OR2M3: variants seen among roughly 807,000 people sequenced by gnomAD.
OR2M3 encodes the protein olfactory receptor family 2 subfamily M member 3, also known as olfactory receptor 2M3.
In OR2M3, 1 loss-of-function variant was observed where a neutral mutation model predicts 4.3. The ratio of observed to expected loss-of-function variants is 0.23; its 90% CI spans 0.08 to 1.11. OR2M3 has a LOEUF of 1.11. Among genes scored for constraint, OR2M3 ranks in the 50% most tolerant of loss-of-function variants. OR2M3 has a pLI of 0.54. For missense variants in OR2M3, 410 were observed against 390.4 expected (o/e 1.05, Z -0.42); for synonymous variants, 151 against 139.4 (o/e 1.08, Z -0.59).
Position 248,203,848 on chromosome 1 carries a change from C to A in OR2M3, c.781C>A (p.Arg261=). ...TGGAGCAGCTTTGTTCATGTACATA[C>A]GGCCCACATCTGATCGCTCCCCAAC... is the stretch of plus-strand genomic sequence containing the variant. ...YYGAALFMYI[R]PTSDRSPTQD... is the part of the protein sequence containing the mutation. Residue 261 remains arginine, a synonymous_variant, in exon 2 of 2, where the codon CGG becomes AGG. Transcript: ENST00000641626. 1 of 1,613,622 alleles carries A rather than the reference C, an allele frequency of 6.2e-7. No homozygotes were observed. The highest frequency in any genetic ancestry group is 8.5e-7 in the Non-Finnish European group (1 of 1,179,792).
rs932978784 is a variant in OR2M3, at chr1:248,206,266, C to G, written c.*2260C>G. 1 of 152,046 alleles carries G rather than the reference C, an allele frequency of 6.6e-6. No homozygotes were observed. The highest frequency in any genetic ancestry group is 2.4e-5 in the African/African-American group (1 of 41,418). 9.4% of individuals were successfully genotyped at this position (152,046 alleles called of 1,614,324 possible). A position where few individuals can be genotyped will look rare whatever the true frequency, so the allele number is the denominator to read the frequency against. On this transcript the variant is annotated 3_prime_UTR_variant, in exon 2 of 2. Transcript: ENST00000641626. ...GCAAACAGCGACAGTTTTCCTTTCT[C>G]TTTACCATTTTGGATGTCCTTTATT...
Position 248,212,202 on chromosome 1 carries a change from A to G in OR2M3, c.*8196A>G, listed in dbSNP as rs1188923878. On this transcript the variant is annotated 3_prime_UTR_variant, in exon 2 of 2. Coordinates refer to ENST00000641626, the MANE Select transcript of OR2M3 (RefSeq NM_001004689.2). ...ATAGTGAAACTGTACATGAAACAAGAAGTATACTAATAGCCATCAAATATT... is the reference window on the plus strand; with the variant it reads ...ATAGTGAAACTGTACATGAAACAAGGAGTATACTAATAGCCATCAAATATT... The G allele has an allele frequency of 6.6e-6, 1 of 152,138 alleles. No homozygotes were observed. The highest frequency in any genetic ancestry group is 1.5e-5 in the Non-Finnish European group (1 of 68,000). The allele number at this position is 152,138 out of a possible 1,614,324, so 9.4% of individuals were successfully genotyped here.
In OR2M3 at chr1:248,204,609, G is replaced by GTATATA. The variant is rs1191894382; in HGVS notation, c.*604_*609dup. ...CTGAGTAGTATTCCATGGTATGTGT[G>GTATATA]TATATAGATATATATATATATACGT... On this transcript the variant is annotated 3_prime_UTR_variant, in exon 2 of 2. Coordinates refer to ENST00000641626, the MANE Select transcript of OR2M3 (RefSeq NM_001004689.2). 55 of 150,218 alleles carry GTATATA rather than the reference G, an allele frequency of 3.7e-4. No individual in the cohort carries two copies. Among genetic ancestry groups the GTATATA allele is most frequent in the African/African-American group, 1.4e-3 (55 of 39,988 alleles). 9.3% of individuals were successfully genotyped at this position (150,218 alleles called of 1,614,324 possible). A position where few individuals can be genotyped will look rare whatever the true frequency, so the allele number is the denominator to read the frequency against.
chr1:248,208,404 G>T lies in OR2M3; in HGVS notation c.*4398G>T, dbSNP rs540539654. On this transcript the variant is annotated 3_prime_UTR_variant, in exon 2 of 2. Coordinates refer to ENST00000641626, the MANE Select transcript of OR2M3 (RefSeq NM_001004689.2). ...TTTTGTTTGTTTTCATTATGTTATT[G>T]TTATATAGGTCCTGTAATATTTATG... The T allele has an allele frequency of 3.0e-4, 45 of 152,140 alleles. 1 individual carries two copies. The highest frequency in any genetic ancestry group is 1.1e-3 in the African/African-American group (44 of 41,518). 9.4% of individuals were successfully genotyped at this position (152,140 alleles called of 1,614,324 possible). A position where few individuals can be genotyped will look rare whatever the true frequency, so the allele number is the denominator to read the frequency against.
intron 1 of OR2M3, among the ~76,000 whole-genome samples, chr1:248,198,460 A>G (rs1447428102): frequency 6.6e-6 from 1 of 152,108 alleles, no homozygotes; most frequent in Non-Finnish European, 1.5e-5. Context: ...TGCTATGCTC[A>G]TTTTTGCTAA....
rs568039383 is a variant in OR2M3, at chr1:248,201,611, A to G, written c.-18-1439A>G. Among the ~76,000 whole-genome samples the G allele has an allele frequency of 1.6e-3, 204 of 130,898 alleles. 3 individuals carry two copies. The highest frequency in any genetic ancestry group is 2.8e-3 in the Non-Finnish European group (175 of 61,740). 85.9% of individuals were successfully genotyped at this position (130,898 alleles called of 152,430 possible). A position where few individuals can be genotyped will look rare whatever the true frequency, so the allele number is the denominator to read the frequency against. On this transcript the variant is annotated intron_variant, in intron 1 of 1. Coordinates refer to ENST00000641626, the MANE Select transcript of OR2M3 (RefSeq NM_001004689.2). ...CCCTCCCCCCTCCCCCAACCCCACAACAGTCCCCAGAGTGTGATGTTCCCC... is the reference window on the plus strand; with the variant it reads ...CCCTCCCCCCTCCCCCAACCCCACAGCAGTCCCCAGAGTGTGATGTTCCCC...
In OR2M3 at chr1:248,203,921, T is replaced by C. The variant is rs149323154; in HGVS notation, c.854T>C (p.Leu285Ser). The C allele has an allele frequency of 3.8e-5, 62 of 1,613,940 alleles. 1 individual carries two copies. The Middle Eastern group carries it at 1.2e-3, about 30-fold the overall frequency. ...SVFYTILTPM[L>S]NPLIYSLRNK... is the part of the protein sequence containing the mutation. ...TTCTACACCATCCTCACTCCCATGTTGAATCCCCTCATCTACAGCCTCCGC... is the reference window on the plus strand; with the variant it reads ...TTCTACACCATCCTCACTCCCATGTCGAATCCCCTCATCTACAGCCTCCGC... The change falls in exon 2 of 2, where the codon TTG (leucine) becomes TCG (serine). Residue 285 changes from leucine to serine, a missense_variant. Leu to Ser is a moderately radical substitution (Grantham distance 145). Coordinates refer to ENST00000641626, the MANE Select transcript of OR2M3 (RefSeq NM_001004689.2).
At chr1:248,197,985 C>T (rs563378182) in intron 1 of OR2M3, among the ~76,000 whole-genome samples, 21 of 152,242 alleles carry the variant, frequency 1.4e-4, no homozygotes, top group Middle Eastern at 3.4e-3. Flanking sequence ...ATCTGCAACA[C>T]GTCTGGTCCC....
intron 1 of OR2M3, among the ~76,000 whole-genome samples, chr1:248,199,147 T>C (rs1268427279): frequency 6.6e-6 from 1 of 152,010 alleles, no homozygotes; most frequent in African/African-American, 2.4e-5. Context: ...CATAGTAGAT[T>C]AGATGAAATA....
intron 1 of OR2M3, among the ~76,000 whole-genome samples, chr1:248,198,541 A>G (rs892555862): frequency 6.6e-6 from 1 of 152,164 alleles, no homozygotes; most frequent in Non-Finnish European, 1.5e-5. Flanking sequence ...CAGTTTAGCA[A>G]CCTCAGTGGA....
rs928329468 is a variant in OR2M3, at chr1:248,208,519, T to C, written c.*4513T>C. 1.3e-5 allele frequency: 2 copies of C among 152,166 alleles called. No homozygotes were observed. The highest frequency in any genetic ancestry group is 2.9e-5 in the Non-Finnish European group (2 of 68,018). 9.4% of individuals were successfully genotyped at this position (152,166 alleles called of 1,614,324 possible). A position where few individuals can be genotyped will look rare whatever the true frequency, so the allele number is the denominator to read the frequency against. ...AGTTCTTGTTGTGCAGGCTTGATAG[T>C]GTTGAATTCTCTCAGCATTTGTTTG... On this transcript the variant is annotated 3_prime_UTR_variant, in exon 2 of 2. Transcript: ENST00000641626.
Position 248,203,953 on chromosome 1 carries a change from G to A in OR2M3, c.886G>A (p.Glu296Lys), listed in dbSNP as rs148773069. 182 of 1,613,820 alleles carry A rather than the reference G, an allele frequency of 1.1e-4. 1 individual carries two copies. The African/African-American group carries it at 1.9e-3, about 17-fold the overall frequency. The stretch of plus-strand genomic sequence containing the variant: ...CCTCATCTACAGCCTCCGCAACAAG[G>A]AGGTGACCAGAGCATTCATGAAGAT... ...NPLIYSLRNK[E>K]VTRAFMKILG... Residue 296 changes from glutamate to lysine, a missense_variant, in exon 2 of 2, where the codon GAG (glutamate) becomes AAG (lysine). Transcript: ENST00000641626.
intron 1 of OR2M3, among the ~76,000 whole-genome samples, chr1:248,201,692 G>A (rs1489546612): frequency 1.3e-5 from 2 of 150,398 alleles, no homozygotes; most frequent in Admixed American, 1.3e-4. Flanking sequence ...GAGAACATGC[G>A]GTGTTTGGTT....
rs1395173457 is a variant in OR2M3 at position 248,206,035 on chromosome 1, T to G, written c.*2029T>G. The G allele has an allele frequency of 6.6e-6, 1 of 152,038 alleles. No homozygotes were observed. The highest frequency in any genetic ancestry group is 1.5e-5 in the Non-Finnish European group (1 of 67,926). The allele number at this position is 152,038 out of a possible 1,614,324, so 9.4% of individuals were successfully genotyped here. On this transcript the variant is annotated 3_prime_UTR_variant, in exon 2 of 2. Transcript: ENST00000641626. ...TGGTTAGGTATACTCCTTAATATTTTGTGTTGTTGTTGTTATATTATTTGC... is the reference window on the plus strand; with the variant it reads ...TGGTTAGGTATACTCCTTAATATTTGGTGTTGTTGTTGTTATATTATTTGC...
chr1:248,206,384 C>T lies in OR2M3; in HGVS notation c.*2378C>T, dbSNP rs999088517. On this transcript the variant is annotated 3_prime_UTR_variant, in exon 2 of 2. Transcript: ENST00000641626. The stretch of plus-strand genomic sequence containing the variant: ...GACATCCTTGTCTTGTTCCAGTTCT[C>T]AGGGGGAATGCTTTCCAATTTTCCC... The T allele has an allele frequency of 6.6e-6, 1 of 152,032 alleles. No individual in the cohort carries two copies. 9.4% of individuals were successfully genotyped at this position (152,032 alleles called of 1,614,324 possible). A position where few individuals can be genotyped will look rare whatever the true frequency, so the allele number is the denominator to read the frequency against.
rs139410885 is a variant in OR2M3, at chr1:248,203,904, C to T, written c.837C>T (p.Thr279=). The change falls in exon 2 of 2, where the codon ACC becomes ACT. Residue 279 remains threonine, a synonymous_variant. Transcript: ENST00000641626. ...ACAAGATGGTGTCTGTATTCTACAC[C>T]ATCCTCACTCCCATGTTGAATCCCC... ...TQDKMVSVFY[T]ILTPMLNPLI... is the part of the protein sequence containing the mutation. The T allele has an allele frequency of 2.7e-4, 432 of 1,613,840 alleles. 2 individuals are homozygous for T. In the African/African-American group the frequency reaches 5.1e-3, roughly 19 times the overall value.
chr1:248,203,442 C>T lies in OR2M3; in HGVS notation c.375C>T (p.Ala125=), dbSNP rs1421120977. 6.2e-7 allele frequency: 1 copy of T among 1,613,856 alleles called. No homozygotes were observed. The highest frequency in any genetic ancestry group is 1.3e-5 in the African/African-American group (1 of 74,858). ...LAVMAYDRYT[A]ICHPLRYTNL... ...TTATGGCTTATGACCGCTACACTGC[C>T]ATTTGCCACCCTCTAAGATACACCA... Residue 125 remains alanine, a synonymous_variant, in exon 2 of 2, where the codon GCC becomes GCT. Transcript: ENST00000641626.
Position 248,206,909 on chromosome 1 carries a change from G to A in OR2M3, c.*2903G>A, listed in dbSNP as rs1445664564. 6.6e-6 allele frequency: 1 copy of A among 152,034 alleles called. No homozygotes were observed. The highest frequency in any genetic ancestry group is 1.5e-5 in the Non-Finnish European group (1 of 67,964). 9.4% of individuals were successfully genotyped at this position (152,034 alleles called of 1,614,324 possible). A position where few individuals can be genotyped will look rare whatever the true frequency, so the allele number is the denominator to read the frequency against. ...GGTATTAATTCTTCTTTGAATGTCT[G>A]ATAGAATTCAGCTGTGAATCTGTCT... On this transcript the variant is annotated 3_prime_UTR_variant, in exon 2 of 2. Transcript: ENST00000641626.
In OR2M3 at chr1:248,206,869, AG is replaced by A. The variant is rs1666228650; in HGVS notation, c.*2864del. On this transcript the variant is annotated 3_prime_UTR_variant, in exon 2 of 2. Coordinates refer to ENST00000641626, the MANE Select transcript of OR2M3 (RefSeq NM_001004689.2). ...GGATTCCCTCTTTATCCTTTGGAAT[AG>A]TGTCAATAGGATTGGTATTAATTCT... 1.3e-5 allele frequency: 2 copies of A among 152,058 alleles called. No homozygotes were observed. The highest frequency in any genetic ancestry group is 2.9e-5 in the Non-Finnish European group (2 of 67,950). The allele number at this position is 152,058 out of a possible 1,614,324, so 9.4% of individuals were successfully genotyped here.
Sources: allele counts gnomAD v4.1 joint callset (sites outside exome capture counted in the v4.1 genomes callset), GRCh38; gene constraint gnomAD v4.1.1; transcripts MANE v1.5; gene names NCBI Gene and HGNC (gene_info 2026-07-23, HGNC 2026-07-21).